The following PLA2G6 variants were observed in gnomAD, a reference collection of about 807,000 sequenced individuals.
PLA2G6 encodes 85/88 kDa calcium-independent phospholipase A2.
PLA2G6 carries 62 observed loss-of-function variants against 83.8 expected under a neutral mutation model. That is an observed-to-expected ratio of 0.74 (90% CI 0.60 to 0.91). The LOEUF is 0.91. Ranked by LOEUF, PLA2G6 falls within the 40% of genes least tolerant of loss-of-function variation. PLA2G6 has a pLI of 0.00. For missense variants in PLA2G6, 944 were observed against 1,102.0 expected (o/e 0.86, Z 2.03); for synonymous variants, 417 against 449.8 (o/e 0.93, Z 0.92).
intron 2 of PLA2G6, chr22:38,168,041 G>T (rs2090288913): frequency 5.9e-6 from 1 of 169,270 alleles, no homozygotes. Context: ...ACGCAGAGTA[G>T]CTCTCAATCA....
In PLA2G6 at chr22:38,123,070, C is replaced by T. The variant is rs1319436761; in HGVS notation, c.1591+25G>A. 1.9e-6 allele frequency: 3 copies of T among 1,545,324 alleles called. No homozygotes were observed. The highest frequency in any genetic ancestry group is 1.7e-6 in the Non-Finnish European group (2 of 1,145,848). ...GGACACAGGTCTCAGCCCCGCCTGG[C>T]CCCATCCCCAGGGGCCGCCCTCACT... On this transcript the variant is annotated intron_variant, in intron 11 of 16. Coordinates refer to ENST00000332509, the MANE Select transcript of PLA2G6 (RefSeq NM_003560.4). The surrounding 1 kb of genome is among the most constrained non-coding windows in gnomAD (Gnocchi z 4.1).
chr22:38,120,507 G>GGGCAGGGCAGAGCCA (rs1193091248), intron 12 of PLA2G6, among the ~76,000 whole-genome samples: 18 of 146,424 alleles, frequency 1.2e-4, no homozygotes, highest in Non-Finnish European at 1.8e-4. Context: ...GGGCAGAGCC[G>GGGCAGGGCAGAGCCA]GGCAGGGCAG....
At chr22:38,153,810 T>C (rs1452207323) in intron 2 of PLA2G6, among the ~76,000 whole-genome samples, 2 of 152,112 alleles carry the variant, frequency 1.3e-5, no homozygotes, top group African/African-American at 4.8e-5. Context: ...GGGTCCCAGA[T>C]TCTAAGTGTT....
In PLA2G6 at chr22:38,145,442, T is replaced by C. The variant is rs1170632230; in HGVS notation, c.421A>G (p.Ile141Val). Reference sequence around the variant, plus strand: ...TGGTCTTGTTCCCTTGCTCACCTGATGATACGGCTGTGATGGAAGCACTCG... The same window carrying C: ...TGGTCTTGTTCCCTTGCTCACCTGACGATACGGCTGTGATGGAAGCACTCG... ...IRECFHHSRIISCANCAENEE... is the reference protein window; with the variant it reads ...IRECFHHSRIVSCANCAENEE... The change falls in exon 3 of 17, where the codon ATC (isoleucine) becomes GTC (valine). Residue 141 changes from isoleucine (I) to valine (V), a missense_variant. Physicochemically the swap from Ile to Val is conservative, Grantham distance 29. Transcript: ENST00000332509. The C allele has an allele frequency of 3.1e-6, 5 of 1,605,214 alleles. 1 individual carries two copies. The South Asian group carries it at 4.5e-5, about 14-fold the overall frequency.
intron 1 of PLA2G6, among the ~76,000 whole-genome samples, chr22:38,172,632 G>A (rs1019310926): frequency 6.6e-6 from 1 of 152,246 alleles, no homozygotes; most frequent in African/African-American, 2.4e-5. Context: ...ATGGGGACCT[G>A]TGGGACTCAG....
At chr22:38,126,156 G>C (rs2087838750) in intron 10 of PLA2G6, 1 of 636,316 alleles carries the variant, frequency 1.6e-6, no homozygotes, top group African/African-American at 1.8e-5. Context: ...GGCACCCTGG[G>C]CTGGTCTCCA....
intron 10 of PLA2G6, chr22:38,125,630 GACACTCACT>G: frequency 2.1e-6 from 1 of 469,068 alleles, no homozygotes. Flanking sequence ...TTGCCACCCT[GACACTCACT>G]CCGTGTGACC....
At chr22:38,145,831 A>ACACACACACACACACC (rs1318610641) in intron 2 of PLA2G6, 178 bp from the exon 3 acceptor site, 1 of 601,240 alleles carries the variant, frequency 1.7e-6, no homozygotes, top group African/African-American at 2.0e-5. Flanking sequence ...ACACACACAC[A>ACACACACACACACACC]CACCCCTATA....
chr22:38,174,759 T>C lies in PLA2G6; in HGVS notation c.-45-5288A>G, dbSNP rs1217633657. Among the ~76,000 whole-genome samples, 14 of 152,274 alleles carry C rather than the reference T, an allele frequency of 9.2e-5. No individual in the cohort carries two copies. The East Asian group carries it at 2.7e-3, about 29-fold the overall frequency. On this transcript the variant is annotated intron_variant, in intron 1 of 16. Coordinates refer to ENST00000332509, the MANE Select transcript of PLA2G6 (RefSeq NM_003560.4). Reference sequence around the variant, plus strand: ...GAACGGTGAGCATTTTCACTGGGACTGGACGGCTCGAGAGGGGAAGGTGCT... The same window carrying C: ...GAACGGTGAGCATTTTCACTGGGACCGGACGGCTCGAGAGGGGAAGGTGCT...
chr22:38,128,524 G>A lies in PLA2G6; in HGVS notation c.1187-94C>T. On this transcript the variant is annotated intron_variant, in intron 8 of 16. Coordinates refer to ENST00000332509, the MANE Select transcript of PLA2G6 (RefSeq NM_003560.4). This position sits in a 1 kb window ranked among gnomAD's most constrained non-coding sequence, Gnocchi z 4.4. Reference sequence around the variant, plus strand: ...CCCTCCTTTCCACACTCCGTCCCCTGTCCCAGCTCCCAGGCCCTGGGCACG... The same window carrying A: ...CCCTCCTTTCCACACTCCGTCCCCTATCCCAGCTCCCAGGCCCTGGGCACG... 1.4e-6 allele frequency: 2 copies of A among 1,388,342 alleles called. No homozygotes were observed. Among genetic ancestry groups the A allele is most frequent in the South Asian group, 1.2e-5 (1 of 81,466 alleles). 86.0% of individuals were successfully genotyped at this position (1,388,342 alleles called of 1,614,324 possible). A position where few individuals can be genotyped will look rare whatever the true frequency, so the allele number is the denominator to read the frequency against.
chr22:38,172,461 G>C lies in PLA2G6; in HGVS notation c.-45-2990C>G, dbSNP rs115079471. ...CAAAGCCTGATAGAAAACAAACCAA[G>C]ATAGACTGACAGAAAACATGCCATT... On this transcript the variant is annotated intron_variant, in intron 1 of 16. Transcript: ENST00000332509. 9.7e-3 allele frequency among the ~76,000 whole-genome samples: 1,471 copies of C among 152,350 alleles called. 27 individuals carry two copies. Among genetic ancestry groups the C allele is most frequent in the African/African-American group, 0.033 (1,386 of 41,576 alleles).
At chr22:38,160,395 C>CA (rs1342088285) in intron 2 of PLA2G6, among the ~76,000 whole-genome samples, 1 of 151,814 alleles carries the variant, frequency 6.6e-6, no homozygotes, top group Non-Finnish European at 1.5e-5. Context: ...ATGTATGCAC[C>CA]AAAAAAACTA....
In PLA2G6 at chr22:38,123,390, T is replaced by C. The variant is rs544381003; in HGVS notation, c.1428-132A>G. On this transcript the variant is annotated intron_variant, in intron 10 of 16. Coordinates refer to ENST00000332509, the MANE Select transcript of PLA2G6 (RefSeq NM_003560.4). This position sits in a 1 kb window ranked among gnomAD's most constrained non-coding sequence, Gnocchi z 4.1. ...CCCAGACGGACCCGAGGAACTTCTG[T>C]CCTATGCAGGACAGCGAGGGTGGGG... 1.1e-5 allele frequency: 10 copies of C among 917,512 alleles called. No individual in the cohort carries two copies. The South Asian group carries it at 1.1e-4, about 10-fold the overall frequency. The allele number at this position is 917,512 out of a possible 1,614,324, so 56.8% of individuals were successfully genotyped here. A position where few individuals can be genotyped will look rare whatever the true frequency, so the allele number is the denominator to read the frequency against.
chr22:38,152,965 G>C lies in PLA2G6; in HGVS notation c.210-7312C>G, dbSNP rs132950. 3.6e-4 allele frequency among the ~76,000 whole-genome samples: 55 copies of C among 151,698 alleles called. No individual in the cohort carries two copies. The South Asian group carries it at 0.01, about 29-fold the overall frequency. On this transcript the variant is annotated intron_variant, in intron 2 of 16. Coordinates refer to ENST00000332509, the MANE Select transcript of PLA2G6 (RefSeq NM_003560.4). The stretch of plus-strand genomic sequence containing the variant: ...TAGGTATAGGAAGACGTCCTCCTGC[G>C]GGGAAAAAAAAAAAGGAAGCACATA...
chr22:38,112,658 G>C, intron 15 of PLA2G6, 81 bp from the exon 16 acceptor site: 1 of 1,223,528 alleles, frequency 8.2e-7, no homozygotes, highest in Non-Finnish European at 1.2e-6. Context: ...CTGCACTCTC[G>C]GAGCCCCAGC....
At chr22:38,159,761 G>GA (rs543554981) in intron 2 of PLA2G6, among the ~76,000 whole-genome samples, 9 of 150,478 alleles carry the variant, frequency 6.0e-5, no homozygotes, top group Middle Eastern at 6.8e-3. Flanking sequence ...AGGAAGGAAG[G>GA]AGATCTTCAA....
chr22:38,148,351 T>C, intron 2 of PLA2G6: 1 of 598,090 alleles, frequency 1.7e-6, no homozygotes, highest in Non-Finnish European at 3.0e-6. Context: ...TGATTCTCTC[T>C]CAGAACTTCC....
chr22:38,151,782 T>C (rs940103715), intron 2 of PLA2G6, among the ~76,000 whole-genome samples: 9 of 152,238 alleles, frequency 5.9e-5, no homozygotes, highest in Non-Finnish European at 1.3e-4. Context: ...AAGATACTAA[T>C]GGACCTTGAG....
chr22:38,174,921 GGAA>G (rs2090577433), intron 1 of PLA2G6, among the ~76,000 whole-genome samples: 1 of 152,110 alleles, frequency 6.6e-6, no homozygotes, highest in Non-Finnish European at 1.5e-5. Flanking sequence ...GCCAAGCCCC[GGAA>G]GAAGTGCAGT....
Sources: gnomAD v4.1 joint callset for allele counts (sites outside exome capture counted in the v4.1 genomes callset) on GRCh38, gnomAD v4.1.1 for gene constraint, Gnocchi (gnomAD v3.1) non-coding constraint, MANE v1.5 for transcripts, NCBI Gene and HGNC (gene_info 2026-07-23, HGNC 2026-07-21) for gene names.